ZFP91: variants seen among roughly 807,000 people sequenced by gnomAD.
ZFP91 encodes E3 ubiquitin-protein ligase ZFP91.
ZFP91 carries 7 observed loss-of-function variants against 63.5 expected under a neutral mutation model. The observed-to-expected ratio is 0.11, with a 90% CI of 0.06 to 0.21. ZFP91 has a LOEUF of 0.21. Ranked by LOEUF, ZFP91 falls within the 10% of genes least tolerant of loss-of-function variation. The pLI is 1.00. For synonymous variants in ZFP91, 330 were observed against 272.1 expected (o/e 1.21, Z -2.10); for missense variants, 628 against 736.6 (o/e 0.85, Z 1.71).
At chr11:58,599,238 G>A (rs560253961) in intron 2 of ZFP91, among the ~76,000 whole-genome samples, 56 of 152,008 alleles carry the variant, frequency 3.7e-4, no homozygotes, top group African/African-American at 1.4e-3. Flanking sequence ...CCACAATTTG[G>A]GTATTGAGAA....
chr11:58,605,852 A>C (rs949836916), intron 2 of ZFP91, among the ~76,000 whole-genome samples: 1 of 152,016 alleles, frequency 6.6e-6, no homozygotes, highest in Non-Finnish European at 1.5e-5. Context: ...TCCTTCTGCA[A>C]ATCTTATTAT....
chr11:58,580,869 G>A (rs1855101478), intron 1 of ZFP91, among the ~76,000 whole-genome samples: 1 of 152,176 alleles, frequency 6.6e-6, no homozygotes, highest in South Asian at 2.1e-4. Flanking sequence ...AGATTCAGCT[G>A]CAATTAGACT....
intron 2 of ZFP91, among the ~76,000 whole-genome samples, chr11:58,603,534 A>G (rs1007587733): frequency 2.6e-5 from 4 of 152,144 alleles, no homozygotes; most frequent in Non-Finnish European, 4.4e-5. Flanking sequence ...AAGACTGACA[A>G]AGTTTTTGAG....
intron 2 of ZFP91, among the ~76,000 whole-genome samples, chr11:58,603,123 T>C (rs1176357548): frequency 2.6e-5 from 4 of 152,238 alleles, no homozygotes; most frequent in Non-Finnish European, 5.9e-5. Flanking sequence ...ATCCTTGTTA[T>C]AAAGTTGCAG....
At position 58,617,367 on chromosome 11, in the gene ZFP91, T is replaced by A; in HGVS notation, c.1374T>A (p.Ile458=). Residue 458 remains isoleucine, a synonymous_variant, in exon 11 of 11, where the codon ATT becomes ATA. Transcript: ENST00000316059. The surrounding 1 kb of genome is among the most constrained non-coding windows in gnomAD (Gnocchi z 4.2). ...HKAKSHPEVL[I]AEALAANAGA... ...CAAAAAGCCACCCTGAGGTGCTGATTGCAGAAGCTCTGGCTGCCAATGCAG... is the reference window on the plus strand; with the variant it reads ...CAAAAAGCCACCCTGAGGTGCTGATAGCAGAAGCTCTGGCTGCCAATGCAG... The A allele has an allele frequency of 6.2e-7, 1 of 1,613,880 alleles. No homozygotes were observed. The highest frequency in any genetic ancestry group is 8.5e-7 in the Non-Finnish European group (1 of 1,179,912).
rs950953002 is a variant in ZFP91 at position 58,619,297 on chromosome 11, A to C, written c.*1591A>C. 5 of 152,212 alleles carry C rather than the reference A, an allele frequency of 3.3e-5. No homozygotes were observed. The highest frequency in any genetic ancestry group is 1.3e-4 in the Admixed American group (2 of 15,264). 9.4% of individuals were successfully genotyped at this position (152,212 alleles called of 1,614,324 possible). A position where few individuals can be genotyped will look rare whatever the true frequency, so the allele number is the denominator to read the frequency against. On this transcript the variant is annotated 3_prime_UTR_variant, in exon 11 of 11. Transcript: ENST00000316059. ...TAGATTGCTTATTGCTGTTCACTGG[A>C]GAGAAAAGGTAGTGTTTTTGTACAA...
intron 2 of ZFP91, among the ~76,000 whole-genome samples, 179 bp from the exon 3 acceptor site, chr11:58,609,651 G>T (rs906131743): frequency 1.3e-5 from 2 of 152,158 alleles, no homozygotes; most frequent in African/African-American, 2.4e-5. Context: ...TTAGCATGAT[G>T]ACATTAAGGA....
Position 58,619,484 on chromosome 11 carries a change from A to G in ZFP91, c.*1778A>G, listed in dbSNP as rs2509925. The G allele has an allele frequency of 2.1e-5, 3 of 141,852 alleles. No individual in the cohort carries two copies. The highest frequency in any genetic ancestry group is 2.2e-4 in the South Asian group (1 of 4,630). The allele number at this position is 141,852 out of a possible 1,614,324, so 8.8% of individuals were successfully genotyped here. On this transcript the variant is annotated 3_prime_UTR_variant, in exon 11 of 11. Transcript: ENST00000316059. ...CTTGGAAAGAATGACGTTTTGCTGG[A>G]AAAAAAAAAAAGAACAGTTTGTGTT...
intron 6 of ZFP91, 50 bp downstream of exon 6, chr11:58,611,788 A>G (rs1855669231): frequency 6.4e-7 from 1 of 1,554,160 alleles, no homozygotes; most frequent in Non-Finnish European, 8.7e-7. Context: ...TTGAACGACT[A>G]GTGGAAAAAA....
At chr11:58,588,415 G>C (rs1855247813) in intron 2 of ZFP91, among the ~76,000 whole-genome samples, 1 of 152,044 alleles carries the variant, frequency 6.6e-6, no homozygotes, top group Non-Finnish European at 1.5e-5. Context: ...TAAAGTATTA[G>C]TTTATTTTGA....
At chr11:58,616,854 A>G (rs770988176) in intron 10 of ZFP91, 39 bp downstream of exon 10, 13 of 1,578,832 alleles carry the variant, frequency 8.2e-6, no homozygotes, top group Non-Finnish European at 1.0e-5. Flanking sequence ...GGTGAGAAGG[A>G]TATATGCCCT....
chr11:58,600,969 C>T (rs1855482841), intron 2 of ZFP91, among the ~76,000 whole-genome samples: 3 of 152,020 alleles, frequency 2.0e-5, no homozygotes, highest in Non-Finnish European at 4.4e-5. Flanking sequence ...TTTTGTATAT[C>T]GAACCACCCT....
In ZFP91 at chr11:58,611,265, A is replaced by T. The variant is rs765572050; in HGVS notation, c.722+211A>T. On this transcript the variant is annotated intron_variant, in intron 5 of 10. Coordinates refer to ENST00000316059, the MANE Select transcript of ZFP91 (RefSeq NM_053023.5). ...TTGTAGAACTTTATTTTGATTATAT[A>T]CAAGTTTTTATGAGTCTGCATGTTT... is the stretch of plus-strand genomic sequence containing the variant. 6.1e-6 allele frequency: 3 copies of T among 492,038 alleles called. No homozygotes were observed. The East Asian group carries it at 9.6e-5, about 16-fold the overall frequency. 30.5% of individuals were successfully genotyped at this position (492,038 alleles called of 1,614,324 possible).
Position 58,579,248 on chromosome 11 carries a change from C to CT in ZFP91, c.-33dup. 2 of 1,377,376 alleles carry CT rather than the reference C, an allele frequency of 1.5e-6. No homozygotes were observed. Among genetic ancestry groups the CT allele is most frequent in the Non-Finnish European group, 9.3e-7 (1 of 1,075,476 alleles). 85.3% of individuals were successfully genotyped at this position (1,377,376 alleles called of 1,614,324 possible). ...AGGCCGCCGCCTCCGCCTCCGCCGC[C>CT]TAGGACTAGGGGGTGGGGGACGGAC... On this transcript the variant is annotated 5_prime_UTR_variant, in exon 1 of 11. Transcript: ENST00000316059.
intron 4 of ZFP91, 89 bp from the exon 5 acceptor site, chr11:58,610,861 T>C: frequency 8.5e-7 from 1 of 1,174,560 alleles, no homozygotes; most frequent in Non-Finnish European, 1.2e-6. Flanking sequence ...TATCAGTGTT[T>C]GGCTACCTCT....
At chr11:58,613,220 C>A (rs192637855) in intron 8 of ZFP91, among the ~76,000 whole-genome samples, 150 of 152,252 alleles carry the variant, frequency 9.9e-4, no homozygotes, top group Middle Eastern at 6.8e-3. Context: ...GTTCTGGAGA[C>A]TGGAAAGTCC....
intron 2 of ZFP91, among the ~76,000 whole-genome samples, chr11:58,591,294 A>G (rs1266954640): frequency 2.0e-5 from 3 of 152,166 alleles, no homozygotes; most frequent in Non-Finnish European, 4.4e-5. Context: ...TTTGTCATAG[A>G]TCGTTTATTT....
rs763271804 is a variant in ZFP91 at position 58,618,666 on chromosome 11, G to T, written c.*960G>T. The T allele has an allele frequency of 2.2e-6, 1 of 456,700 alleles. No individual in the cohort carries two copies. The highest frequency in any genetic ancestry group is 4.4e-6 in the Non-Finnish European group (1 of 226,936). 28.3% of individuals were successfully genotyped at this position (456,700 alleles called of 1,614,324 possible). A position where few individuals can be genotyped will look rare whatever the true frequency, so the allele number is the denominator to read the frequency against. On this transcript the variant is annotated 3_prime_UTR_variant, in exon 11 of 11. Transcript: ENST00000316059. ...TTGACATGGGATCCCTTCCATAACA[G>T]GTACTTTGAAGGCAAGACATAGGGT...
At chr11:58,612,183 C>A in intron 6 of ZFP91, 95 bp from the exon 7 acceptor site, 1 of 1,269,212 alleles carries the variant, frequency 7.9e-7, no homozygotes, top group South Asian at 1.4e-5. Flanking sequence ...GCCACTTGTT[C>A]TTTGGCCGTG....
Sources: allele counts gnomAD v4.1 joint callset (sites outside exome capture counted in the v4.1 genomes callset), GRCh38; gene constraint gnomAD v4.1.1; non-coding constraint Gnocchi (gnomAD v3.1); transcripts MANE v1.5; gene names NCBI Gene and HGNC (gene_info 2026-07-23, HGNC 2026-07-21).